Variants in SLC30A8 observed in about 807,000 individuals in gnomAD.
SLC30A8 encodes proton-coupled zinc antiporter SLC30A8.
In SLC30A8, 27 loss-of-function variants were observed where a neutral mutation model predicts 36.9. The observed-to-expected ratio is 0.73, with a 90% CI of 0.54 to 1.01. SLC30A8 has a LOEUF of 1.01. SLC30A8 is among the 50% of genes least tolerant of loss of function. The pLI is 0.00. For missense variants in SLC30A8, 439 were observed against 452.0 expected (o/e 0.97, Z 0.26); for synonymous variants, 164 against 172.4 (o/e 0.95, Z 0.38).
At chr8:117,111,983 T>C (rs1321892332) in intron 2 of SLC30A8, among the ~76,000 whole-genome samples, 1 of 152,052 alleles carries the variant, frequency 6.6e-6, no homozygotes, top group African/African-American at 2.4e-5. Context: ...GTACCCCAAG[T>C]CATCTAAGAA....
chr8:117,072,159 C>T (rs140188881), intron 2 of SLC30A8, among the ~76,000 whole-genome samples: 149 of 152,310 alleles, frequency 9.8e-4, no homozygotes, highest in African/African-American at 3.3e-3. Context: ...ACAGTTCCTG[C>T]TAAGTAGCTG....
chr8:117,067,168 C>T (rs1395084034), intron 2 of SLC30A8, among the ~76,000 whole-genome samples: 4 of 152,076 alleles, frequency 2.6e-5, no homozygotes, highest in African/African-American at 9.7e-5. Flanking sequence ...GGGTAACCAG[C>T]CCCATGATTC....
intron 1 of SLC30A8, among the ~76,000 whole-genome samples, chr8:116,975,922 T>G (rs1814985905): frequency 6.6e-6 from 1 of 152,124 alleles, no homozygotes; most frequent in Non-Finnish European, 1.5e-5. Context: ...ACAACGATCA[T>G]TTGAAAATTA....
At chr8:117,164,685 AC>A (rs1822972992) in intron 6 of SLC30A8, among the ~76,000 whole-genome samples, 1 of 152,224 alleles carries the variant, frequency 6.6e-6, no homozygotes, top group African/African-American at 2.4e-5. Flanking sequence ...GGGAACTGCT[AC>A]AAAGAAGAGG....
intron 1 of SLC30A8, among the ~76,000 whole-genome samples, chr8:117,000,500 A>G (rs1014880397): frequency 6.6e-6 from 1 of 152,218 alleles, no homozygotes; most frequent in African/African-American, 2.4e-5. Flanking sequence ...ATGAAGGCCA[A>G]GTATTTTATC....
At chr8:117,011,268 T>C (rs771819263) in intron 1 of SLC30A8, among the ~76,000 whole-genome samples, 43 of 152,158 alleles carry the variant, frequency 2.8e-4, no homozygotes, top group Non-Finnish European at 2.8e-4. Flanking sequence ...CCAACTCTCT[T>C]TTTGACCAGG....
intron 1 of SLC30A8, among the ~76,000 whole-genome samples, chr8:116,993,718 A>G (rs1038730449): frequency 2.0e-5 from 3 of 152,102 alleles, no homozygotes; most frequent in Admixed American, 6.5e-5. Context: ...TTGAGAACTC[A>G]TTGAAAAAGC....
chr8:116,956,486 G>C (rs1357186221), intron 1 of SLC30A8, among the ~76,000 whole-genome samples: 1 of 152,136 alleles, frequency 6.6e-6, no homozygotes, highest in African/African-American at 2.4e-5. Flanking sequence ...CTATACTATA[G>C]TAAAAACTTC....
chr8:116,970,708 CATACCTACACACACAAATATAT>C (rs1447491100), intron 1 of SLC30A8, among the ~76,000 whole-genome samples: 2 of 152,170 alleles, frequency 1.3e-5, no homozygotes, highest in Non-Finnish European at 2.9e-5. Flanking sequence ...TATCTGTATT[CATACCTACACACACAAATATAT>C]AAAATCACTT....
intron 2 of SLC30A8, among the ~76,000 whole-genome samples, chr8:117,058,792 T>A (rs1406324332): frequency 2.0e-5 from 3 of 152,172 alleles, no homozygotes; most frequent in Non-Finnish European, 4.4e-5. Context: ...CACACACAAC[T>A]TTTTTATTGG....
At chr8:117,099,442 CT>C (rs1444615222) in intron 2 of SLC30A8, among the ~76,000 whole-genome samples, 5 of 152,162 alleles carry the variant, frequency 3.3e-5, no homozygotes, top group African/African-American at 1.2e-4. Flanking sequence ...CTCAATGCTG[CT>C]TTACTTAATA....
At chr8:117,023,476 G>T (rs1816773269) in intron 1 of SLC30A8, among the ~76,000 whole-genome samples, 1 of 152,142 alleles carries the variant, frequency 6.6e-6, no homozygotes, top group Non-Finnish European at 1.5e-5. Flanking sequence ...CAACCCAAAT[G>T]TCCAACAGTG....
At chr8:116,975,224 A>G (rs895294303) in intron 1 of SLC30A8, among the ~76,000 whole-genome samples, 1 of 152,126 alleles carries the variant, frequency 6.6e-6, no homozygotes, top group African/African-American at 2.4e-5. Context: ...TGGATAGGGA[A>G]TAGTAATAAT....
intron 2 of SLC30A8, among the ~76,000 whole-genome samples, chr8:117,124,221 G>T (rs577499225): frequency 5.9e-5 from 9 of 152,064 alleles, no homozygotes; most frequent in African/African-American, 2.2e-4. Flanking sequence ...CTAGGGAGAT[G>T]AATCTTTAGT....
intron 2 of SLC30A8, among the ~76,000 whole-genome samples, chr8:117,071,612 A>G (rs2130799350): frequency 6.6e-6 from 1 of 152,184 alleles, no homozygotes; most frequent in South Asian, 2.1e-4. Context: ...TCATGTCTAA[A>G]AATCATTGCC....
At chr8:117,057,287 C>T (rs949999859) in intron 2 of SLC30A8, among the ~76,000 whole-genome samples, 9 of 152,056 alleles carry the variant, frequency 5.9e-5, no homozygotes, top group African/African-American at 1.9e-4. Flanking sequence ...ATGTTTAAGG[C>T]GTACAGTGTG....
At chr8:117,099,274 C>A (rs890324386) in intron 2 of SLC30A8, among the ~76,000 whole-genome samples, 1 of 152,090 alleles carries the variant, frequency 6.6e-6, no homozygotes, top group African/African-American at 2.4e-5. Flanking sequence ...TTTTCTCCCT[C>A]CCACCCAAGA....
intron 2 of SLC30A8, among the ~76,000 whole-genome samples, chr8:117,109,018 TCTC>T (rs573999939): frequency 1.3e-5 from 2 of 152,122 alleles, no homozygotes; most frequent in South Asian, 4.2e-4. Flanking sequence ...TAACTTTCCT[TCTC>T]CTAGCCTGGA....
intron 1 of SLC30A8, among the ~76,000 whole-genome samples, chr8:117,136,682 A>G (rs1336264101): frequency 1.3e-5 from 2 of 152,022 alleles, no homozygotes; most frequent in African/African-American, 4.8e-5. Flanking sequence ...CCTTGTGGTA[A>G]GTCAGGCAGA....
Sources: allele counts gnomAD v4.1 joint callset (sites outside exome capture counted in the v4.1 genomes callset), GRCh38; gene constraint gnomAD v4.1.1; transcripts MANE v1.5; gene names NCBI Gene and HGNC (gene_info 2026-07-23, HGNC 2026-07-21).